The following CD9 variants were observed in gnomAD, a reference collection of about 807,000 sequenced individuals.
The protein encoded by CD9 is CD9 antigen.
Under a neutral mutation model 31.4 loss-of-function variants are expected in CD9, and 10 were observed. The ratio of observed to expected loss-of-function variants is 0.32; its 90% CI spans 0.20 to 0.54. CD9 has a LOEUF of 0.54. CD9 is among the 20% of genes least tolerant of loss of function. CD9 has a pLI of 0.94. For synonymous variants in CD9, 113 were observed against 114.1 expected, an observed-to-expected ratio of 0.99 and a Z score of 0.06; for missense variants, 259 against 300.1, an observed-to-expected ratio of 0.86 and a Z score of 1.01.
At chr12:6,235,367 C>T (rs747977742) in intron 5 of CD9, 40 bp downstream of exon 5, 8 of 1,614,030 alleles carry the variant, frequency 5.0e-6, no homozygotes, top group South Asian at 2.2e-5. Context: ...GCGCTTTCTC[C>T]GGATTGTGTC....
At chr12:6,202,115 A>G (rs1267208486) in intron 1 of CD9, among the ~76,000 whole-genome samples, 3 of 152,158 alleles carry the variant, frequency 2.0e-5, no homozygotes, top group Non-Finnish European at 4.4e-5. Context: ...CCTTAGGGAA[A>G]TCTTCTAAGA....
At position 6,221,180 on chromosome 12, in the gene CD9, C is replaced by T. The variant is rs889745947; in HGVS notation, c.67-4246C>T. Among the ~76,000 whole-genome samples, 4 of 152,210 alleles carry T rather than the reference C, an allele frequency of 2.6e-5. No individual in the cohort carries two copies. The South Asian group carries it at 6.2e-4, about 24-fold the overall frequency. On this transcript the variant is annotated intron_variant, in intron 1 of 7. Transcript: ENST00000009180. ...AATGGGAAAAAATGACCCTTTTCCT[C>T]TCGGCCCTCTCAAAGGGATGGAACC...
chr12:6,237,620 C>CA, intron 7 of CD9, 143 bp from the exon 8 acceptor site: 1 of 573,486 alleles, frequency 1.7e-6, no homozygotes, highest in South Asian at 2.1e-5. Flanking sequence ...TCTCCTGCTT[C>CA]AGCACCTTCT....
intron 1 of CD9, among the ~76,000 whole-genome samples, chr12:6,221,547 C>T (rs1339241970): frequency 6.6e-6 from 1 of 152,146 alleles, no homozygotes; most frequent in African/African-American, 2.4e-5. Flanking sequence ...TGGAAGCCAT[C>T]GACCCCTTGG....
chr12:6,235,848 A>C (rs1946513734), intron 6 of CD9: 1 of 1,369,378 alleles, frequency 7.3e-7, no homozygotes, highest in Non-Finnish European at 9.4e-7. Context: ...TTGGACTCCC[A>C]CTCTGACTTT....
rs2136616802 is a variant in CD9 at position 6,219,180 on chromosome 12, A to T, written c.67-6246A>T. On this transcript the variant is annotated intron_variant, in intron 1 of 7. Coordinates refer to ENST00000009180, the MANE Select transcript of CD9 (RefSeq NM_001769.4). ...ACCACCACGCCCGGCTAATTTTTGT[A>T]GTTTTAGTAGAGACGGGGTTTCACC... Among the ~76,000 whole-genome samples the T allele has an allele frequency of 3.3e-5, 5 of 151,010 alleles. No homozygotes were observed. The Middle Eastern group carries it at 0.014, about 411-fold the overall frequency.
chr12:6,222,905 G>A (rs557651550), intron 1 of CD9, among the ~76,000 whole-genome samples: 4 of 152,214 alleles, frequency 2.6e-5, no homozygotes, highest in Admixed American at 6.5e-5. Context: ...TCTTTTCTGC[G>A]ACTCAGTTTT....
At chr12:6,220,612 G>T (rs1319748154) in intron 1 of CD9, among the ~76,000 whole-genome samples, 1 of 152,240 alleles carries the variant, frequency 6.6e-6, no homozygotes, top group African/African-American at 2.4e-5. Context: ...CAAAAAAGTG[G>T]CAGAGGCAGA....
intron 1 of CD9, chr12:6,225,166 A>G (rs554054224): frequency 3.4e-5 from 17 of 501,184 alleles, no homozygotes; most frequent in Non-Finnish European, 5.3e-5. Flanking sequence ...TCACTGCTGT[A>G]TAGTGTTCTG....
At chr12:6,213,324 C>T (rs1199485150) in intron 1 of CD9, among the ~76,000 whole-genome samples, 1 of 152,238 alleles carries the variant, frequency 6.6e-6, no homozygotes, top group African/African-American at 2.4e-5. Context: ...CAGTCTTTCT[C>T]CCTCTCGAAC....
intron 1 of CD9, among the ~76,000 whole-genome samples, chr12:6,216,205 T>C (rs1946240501): frequency 6.6e-6 from 1 of 152,254 alleles, no homozygotes; most frequent in Non-Finnish European, 1.5e-5. Flanking sequence ...GTGGCCTGAC[T>C]TGTTTTTAAA....
At chr12:6,205,272 C>T (rs1016146677) in intron 1 of CD9, among the ~76,000 whole-genome samples, 5 of 152,346 alleles carry the variant, frequency 3.3e-5, no homozygotes, top group Middle Eastern at 3.4e-3. Flanking sequence ...CCCCTACACC[C>T]ACAGTGGGTG....
chr12:6,221,345 C>T (rs962829211), intron 1 of CD9, among the ~76,000 whole-genome samples: 18 of 152,194 alleles, frequency 1.2e-4, no homozygotes, highest in Admixed American at 1.0e-3. Flanking sequence ...CCTGCATCCC[C>T]GCATCCCCGC....
In CD9 at chr12:6,225,426, C is replaced by T; in HGVS notation, c.67C>T (p.Leu23Phe). ...LLFGFNFIFW[L>F]AGIAVLAIGL... ...TGCTGATGTCCTGTATGTCTTGCAG[C>T]TTGCCGGGATTGCTGTCCTTGCCAT... Residue 23 changes from leucine to phenylalanine, a missense_variant and splice_region_variant, in exon 2 of 8, where the codon CTT becomes TTT. By Grantham distance (22) the Leu-to-Phe change is conservative. Coordinates refer to ENST00000009180, the MANE Select transcript of CD9 (RefSeq NM_001769.4). The T allele has an allele frequency of 1.2e-6, 2 of 1,607,724 alleles. No homozygotes were observed. The highest frequency in any genetic ancestry group is 1.7e-6 in the Non-Finnish European group (2 of 1,174,136).
At chr12:6,207,767 G>C (rs1009515439) in intron 1 of CD9, among the ~76,000 whole-genome samples, 4 of 152,218 alleles carry the variant, frequency 2.6e-5, no homozygotes, top group African/African-American at 9.6e-5. Context: ...GAGGGGCCCG[G>C]ATTAATGTGA....
intron 1 of CD9, among the ~76,000 whole-genome samples, chr12:6,216,574 G>A (rs1238626262): frequency 6.6e-6 from 1 of 152,206 alleles, no homozygotes; most frequent in African/African-American, 2.4e-5. Flanking sequence ...GTGATCCAAG[G>A]AAGGACAGAA....
In CD9 at chr12:6,237,753, T is replaced by C. The variant is rs777904401; in HGVS notation, c.622-10T>C. 12 of 1,608,180 alleles carry C rather than the reference T, an allele frequency of 7.5e-6. No individual in the cohort carries two copies. The Admixed American group carries it at 1.3e-4, about 18-fold the overall frequency. ...CCACCCTGATCCTCATGTTTCTTCCTATCTCCTAGATATTTGGCATGATCT... is the reference window on the plus strand; with the variant it reads ...CCACCCTGATCCTCATGTTTCTTCCCATCTCCTAGATATTTGGCATGATCT... On this transcript the variant is annotated splice_polypyrimidine_tract_variant and intron_variant, in intron 7 of 7. Transcript: ENST00000009180.
At chr12:6,210,292 C>T (rs561568598) in intron 1 of CD9, among the ~76,000 whole-genome samples, 1 of 152,328 alleles carries the variant, frequency 6.6e-6, no homozygotes, top group South Asian at 2.1e-4. Context: ...TGCCAATGGG[C>T]AGCTGCAACA....
chr12:6,233,570 C>T, intron 4 of CD9, 84 bp downstream of exon 4: 2 of 1,018,612 alleles, frequency 2.0e-6, no homozygotes, highest in Non-Finnish European at 3.1e-6. Flanking sequence ...TGGCTGGGCA[C>T]TTTGTTCAGC....
Sources: gnomAD v4.1 joint callset for allele counts (sites outside exome capture counted in the v4.1 genomes callset) on GRCh38, gnomAD v4.1.1 for gene constraint, MANE v1.5 for transcripts, NCBI Gene and HGNC (gene_info 2026-07-23, HGNC 2026-07-21) for gene names.